The following ARHGAP29 variants were observed in gnomAD, a reference collection of about 807,000 sequenced individuals.
The protein encoded by ARHGAP29 is rho GTPase-activating protein 29.
A neutral mutation model predicts 122.6 loss-of-function variants in ARHGAP29; 43 were observed. The observed-to-expected ratio is 0.35, with a 90% CI of 0.27 to 0.45. The LOEUF is 0.45. ARHGAP29 is among the 20% of genes least tolerant of loss of function. The probability of loss-of-function intolerance (pLI) is 1.00; values close to 1 mark genes in which losing one functional copy is unlikely to be tolerated. For synonymous variants in ARHGAP29, 506 were observed against 497.1 expected (o/e 1.02, Z -0.24); for missense variants, 1,303 against 1,477.2 (o/e 0.88, Z 1.93).
intron 1 of ARHGAP29, among the ~76,000 whole-genome samples, chr1:94,258,124 C>T (rs932770413): frequency 6.6e-5 from 10 of 152,226 alleles, no homozygotes; most frequent in African/African-American, 2.4e-4. Context: ...TCCATTCCTA[C>T]TTACCTCCAG....
At chr1:94,211,483 G>C (rs1026477381) in intron 3 of ARHGAP29, among the ~76,000 whole-genome samples, 5 of 151,984 alleles carry the variant, frequency 3.3e-5, no homozygotes, top group African/African-American at 1.2e-4. Flanking sequence ...GGGAAGATGA[G>C]AACAACACTA....
upstream of ARHGAP29, among the ~76,000 whole-genome samples, chr1:94,278,715 G>T (rs920019484): frequency 6.6e-6 from 1 of 152,274 alleles, no homozygotes; most frequent in South Asian, 2.1e-4. Flanking sequence ...TTTATTAAAC[G>T]AAAGTCTCTG....
At chr1:94,195,240 A>G (rs913948923) in intron 12 of ARHGAP29, 11 of 152,212 alleles carry the variant, frequency 7.2e-5, no homozygotes, top group Admixed American at 6.5e-4. Context: ...TTATAAGAAC[A>G]AAGGGGAAAA....
At chr1:94,195,017 G>C (rs992868345) in intron 12 of ARHGAP29, 2 of 152,144 alleles carry the variant, frequency 1.3e-5, no homozygotes, top group South Asian at 2.1e-4. Context: ...TCAAGGCAAT[G>C]CAAGTTTCTA....
At chr1:94,260,608 A>C (rs1300249830) in intron 1 of ARHGAP29, among the ~76,000 whole-genome samples, 2 of 152,192 alleles carry the variant, frequency 1.3e-5, no homozygotes, top group Admixed American at 1.3e-4. Context: ...GAGAGTTTAA[A>C]TAGAATGCTT....
chr1:94,244,969 A>C (rs1017008302), intron 1 of ARHGAP29, among the ~76,000 whole-genome samples: 25 of 152,314 alleles, frequency 1.6e-4, no homozygotes, highest in African/African-American at 6.0e-4. Context: ...GAAGATACAC[A>C]ACTGGGCAAT....
the ARHGAP29 span, among the ~76,000 whole-genome samples, chr1:94,286,515 A>G: frequency 6.6e-6 from 1 of 152,092 alleles, no homozygotes; most frequent in Admixed American, 6.5e-5. Context: ...AAAAAATACA[A>G]AAATTAGCCA....
chr1:94,237,876 G>T, upstream of ARHGAP29: 2 of 530,396 alleles, frequency 3.8e-6, no homozygotes, highest in Non-Finnish European at 2.4e-6. Flanking sequence ...CAGATGAGCA[G>T]CTACATTTCT....
rs536231504 is a variant in ARHGAP29 at position 94,229,182 on chromosome 1, G to C, written c.205+2225C>G. On this transcript the variant is annotated intron_variant, in intron 2 of 22. Transcript: ENST00000260526. Reference sequence around the variant, plus strand: ...TGATAACTCAGAAAAGAAGTCCAGGGATATTTCTCAATACCCAGAGACAAA... The same window carrying C: ...TGATAACTCAGAAAAGAAGTCCAGGCATATTTCTCAATACCCAGAGACAAA... 6.6e-5 allele frequency among the ~76,000 whole-genome samples: 10 copies of C among 151,802 alleles called. 1 individual carries two copies. In the South Asian group the frequency reaches 2.1e-3, roughly 32 times the overall value.
At chr1:94,310,424 C>T in the ARHGAP29 span, among the ~76,000 whole-genome samples, 1 of 152,214 alleles carries the variant, frequency 6.6e-6, no homozygotes, top group African/African-American at 2.4e-5. Context: ...CATGCCGGAG[C>T]GTGCTCAGTA....
At chr1:94,244,365 GA>G (rs1422496895) in intron 1 of ARHGAP29, among the ~76,000 whole-genome samples, 7 of 152,028 alleles carry the variant, frequency 4.6e-5, no homozygotes, top group East Asian at 3.9e-4. Context: ...ACATTCACTA[GA>G]AAAAAACCAT....
intron 19 of ARHGAP29, among the ~76,000 whole-genome samples, chr1:94,180,334 T>C (rs1249074475): frequency 6.6e-6 from 1 of 152,170 alleles, no homozygotes; most frequent in Non-Finnish European, 1.5e-5. Context: ...ATAAGTCAAA[T>C]TAGTTAAAAA....
chr1:94,196,382 C>T (rs1412941197), intron 12 of ARHGAP29, among the ~76,000 whole-genome samples: 1 of 150,118 alleles, frequency 6.7e-6, no homozygotes, highest in Non-Finnish European at 1.5e-5. Flanking sequence ...CTGCCTCAGC[C>T]TCCCGAGTAG....
At chr1:94,290,038 A>C in the ARHGAP29 span, among the ~76,000 whole-genome samples, 1 of 152,038 alleles carries the variant, frequency 6.6e-6, no homozygotes, top group South Asian at 2.1e-4. Flanking sequence ...CTCTTTTTCT[A>C]TTGATTGGAA....
At chr1:94,197,298 C>A (rs1650537941) in intron 12 of ARHGAP29, among the ~76,000 whole-genome samples, 1 of 151,770 alleles carries the variant, frequency 6.6e-6, no homozygotes. Flanking sequence ...CCACAAGCTA[C>A]CAAAAATCAC....
upstream of ARHGAP29, among the ~76,000 whole-genome samples, chr1:94,240,727 A>G (rs551273602): frequency 6.6e-6 from 1 of 152,292 alleles, no homozygotes; most frequent in South Asian, 2.1e-4. Context: ...AGAAATTCAC[A>G]TCCTCTATGA....
intron 2 of ARHGAP29, among the ~76,000 whole-genome samples, chr1:94,226,178 G>GA (rs1419907165): frequency 1.3e-5 from 2 of 151,824 alleles, no homozygotes; most frequent in Admixed American, 6.6e-5. Context: ...AAAATAAGGA[G>GA]AAAAAATGTT....
chr1:94,253,310 C>T (rs996407905), intron 1 of ARHGAP29, among the ~76,000 whole-genome samples: 7 of 152,130 alleles, frequency 4.6e-5, no homozygotes, highest in African/African-American at 1.7e-4. Flanking sequence ...CCCAGCTTTC[C>T]CCGGGCTTAC....
At chr1:94,204,694 G>A (rs1379326910) in intron 7 of ARHGAP29, among the ~76,000 whole-genome samples, 1 of 151,832 alleles carries the variant, frequency 6.6e-6, no homozygotes, top group African/African-American at 2.4e-5. Flanking sequence ...GTAAAACACT[G>A]AGGAAATATT....
Sources: gnomAD v4.1 joint callset for allele counts (sites outside exome capture counted in the v4.1 genomes callset) on GRCh38, gnomAD v4.1.1 for gene constraint, MANE v1.5 for transcripts, NCBI Gene and HGNC (gene_info 2026-07-23, HGNC 2026-07-21) for gene names.